The following TAFA2 variants were observed in gnomAD, a reference collection of about 807,000 sequenced individuals.
TAFA2 encodes TAFA chemokine like family member 2.
A neutral mutation model predicts 18.8 loss-of-function variants in TAFA2; 7 were observed. That is an observed-to-expected ratio of 0.37 (90% CI 0.21 to 0.70). TAFA2 has a LOEUF of 0.70. TAFA2 is among the 30% of genes least tolerant of loss of function. The pLI is 0.53. For synonymous variants in TAFA2, 60 were observed against 54.2 expected (o/e 1.11, Z -0.47); for missense variants, 122 against 158.1 (o/e 0.77, Z 1.23).
At chr12:61,902,804 C>G (rs1592472753) in intron 1 of TAFA2, among the ~76,000 whole-genome samples, 2 of 152,146 alleles carry the variant, frequency 1.3e-5, no homozygotes, top group East Asian at 3.9e-4. Context: ...CATCTCAAAC[C>G]TAACATATCC....
At chr12:61,805,284 C>T (rs1256866690) in intron 2 of TAFA2, among the ~76,000 whole-genome samples, 1 of 151,906 alleles carries the variant, frequency 6.6e-6, no homozygotes, top group Non-Finnish European at 1.5e-5. Flanking sequence ...TAGCAGTTGG[C>T]ACTTCTACAA....
intron 1 of TAFA2, among the ~76,000 whole-genome samples, chr12:61,975,514 C>CGTGTGTGTGTGTGTGTGTGTGTGT (rs3031098): frequency 0.036 from 4,940 of 136,468 alleles, 158 homozygotes; most frequent in East Asian, 0.061. Context: ...CAATAATATT[C>CGTGTGTGTGTGTGTGTGTGTGTGT]GTGTGTGTGT....
At chr12:61,722,018 A>G (rs1371894684) in intron 4 of TAFA2, among the ~76,000 whole-genome samples, 1 of 152,178 alleles carries the variant, frequency 6.6e-6, no homozygotes, top group Non-Finnish European at 1.5e-5. Context: ...ATCAAAACAT[A>G]CTATTTGAAT....
intron 1 of TAFA2, among the ~76,000 whole-genome samples, chr12:62,012,080 C>A (rs1266449042): frequency 6.6e-6 from 1 of 152,148 alleles, no homozygotes; most frequent in Non-Finnish European, 1.5e-5. Flanking sequence ...AACATTACTG[C>A]TAGAATCTGT....
At chr12:61,758,211 GT>G (rs912222633) in intron 2 of TAFA2, among the ~76,000 whole-genome samples, 9 of 152,098 alleles carry the variant, frequency 5.9e-5, no homozygotes, top group African/African-American at 2.2e-4. Context: ...GGTTGTTATA[GT>G]TATAAAAAGT....
intron 2 of TAFA2, among the ~76,000 whole-genome samples, chr12:61,841,746 A>G (rs1348916204): frequency 2.0e-5 from 3 of 152,088 alleles, no homozygotes; most frequent in Non-Finnish European, 2.9e-5. Context: ...GGGAATTTTT[A>G]ATGTTCTCAT....
At chr12:62,088,491 T>C (rs1382089025) in intron 1 of TAFA2, among the ~76,000 whole-genome samples, 2 of 151,714 alleles carry the variant, frequency 1.3e-5, no homozygotes, top group Non-Finnish European at 2.9e-5. Context: ...GGGTCTTTGG[T>C]CTGCTAACAC....
intron 1 of TAFA2, among the ~76,000 whole-genome samples, chr12:62,021,176 A>T (rs1881119073): frequency 1.3e-5 from 2 of 152,244 alleles, no homozygotes; most frequent in Non-Finnish European, 2.9e-5. Context: ...TCAGTATGAT[A>T]AGTACTATGG....
intron 1 of TAFA2, among the ~76,000 whole-genome samples, chr12:61,947,952 A>G (rs774363570): frequency 2.0e-5 from 3 of 152,158 alleles, no homozygotes; most frequent in Admixed American, 6.5e-5. Flanking sequence ...GGAAACTCCC[A>G]TTTATCAAGC....
chr12:61,909,302 A>C (rs1876500734), intron 1 of TAFA2, among the ~76,000 whole-genome samples: 1 of 152,192 alleles, frequency 6.6e-6, no homozygotes, highest in Non-Finnish European at 1.5e-5. Flanking sequence ...TACAAAGATA[A>C]ATAAGGTACA....
At chr12:61,823,678 A>C (rs2121059806) in intron 2 of TAFA2, among the ~76,000 whole-genome samples, 1 of 152,330 alleles carries the variant, frequency 6.6e-6, no homozygotes, top group Non-Finnish European at 1.5e-5. Flanking sequence ...CCCTTGAAAC[A>C]ACCAGCAAAT....
chr12:62,139,144 ATC>A (rs1176618979), intron 1 of TAFA2, among the ~76,000 whole-genome samples: 1 of 152,158 alleles, frequency 6.6e-6, no homozygotes, highest in East Asian at 1.9e-4. Flanking sequence ...GATCTTGTCA[ATC>A]TCTGCTAAAA....
intron 1 of TAFA2, among the ~76,000 whole-genome samples, chr12:62,089,913 T>C (rs954351111): frequency 6.6e-6 from 1 of 152,094 alleles, no homozygotes; most frequent in Non-Finnish European, 1.5e-5. Context: ...TTAATCGTAG[T>C]TGTTTCCACA....
intron 1 of TAFA2, among the ~76,000 whole-genome samples, chr12:61,897,262 T>G (rs555229229): frequency 6.6e-6 from 1 of 152,290 alleles, no homozygotes; most frequent in South Asian, 2.1e-4. Context: ...ATTATTTCAA[T>G]TTGTTTGGTT....
At chr12:61,872,179 G>A (rs914667112) in intron 1 of TAFA2, among the ~76,000 whole-genome samples, 2 of 152,104 alleles carry the variant, frequency 1.3e-5, no homozygotes, top group Admixed American at 6.5e-5. Context: ...AGGAAAAAGG[G>A]GGGGAATAAA....
intron 1 of TAFA2, among the ~76,000 whole-genome samples, chr12:62,133,818 A>G (rs564578363): frequency 2.0e-5 from 3 of 152,218 alleles, no homozygotes; most frequent in Admixed American, 2.0e-4. Context: ...GGCTTGGACA[A>G]ATAATCATTG....
chr12:61,747,033 C>A (rs528357861), intron 4 of TAFA2, among the ~76,000 whole-genome samples: 2 of 152,122 alleles, frequency 1.3e-5, no homozygotes, highest in East Asian at 3.9e-4. Context: ...AAAAAACAAA[C>A]AACCCCATCA....
intron 1 of TAFA2, among the ~76,000 whole-genome samples, chr12:61,942,207 C>G (rs1240542250): frequency 3.5e-5 from 5 of 143,100 alleles, no homozygotes; most frequent in African/African-American, 1.3e-4. Flanking sequence ...ACACCTCACA[C>G]GGCAGGGTAT....
At chr12:62,169,647 C>T (rs1431135855) in intron 1 of TAFA2, among the ~76,000 whole-genome samples, 1 of 151,980 alleles carries the variant, frequency 6.6e-6, no homozygotes, top group African/African-American at 2.4e-5. Flanking sequence ...GTCAGGAGAT[C>T]GAGACCATCC....
Sources: gnomAD v4.1 joint callset for allele counts (sites outside exome capture counted in the v4.1 genomes callset) on GRCh38, gnomAD v4.1.1 for gene constraint, MANE v1.5 for transcripts, NCBI Gene and HGNC (gene_info 2026-07-23, HGNC 2026-07-21) for gene names.